Variants in NREP observed in about 807,000 individuals in gnomAD.
The protein encoded by NREP is neuronal regeneration-related protein.
In NREP, 5 loss-of-function variants were observed where a neutral mutation model predicts 8.6. The observed-to-expected ratio is 0.58, with a 90% confidence interval of 0.30 to 1.22. The LOEUF is 1.22. Among genes scored for constraint, NREP ranks in the 50% most tolerant of loss-of-function variants. The probability of loss-of-function intolerance (pLI) is 0.07; values close to 1 mark genes in which losing one functional copy is unlikely to be tolerated. For missense variants in NREP, 86 were observed against 82.5 expected (o/e 1.04, Z -0.17); for synonymous variants, 27 against 28.0 (o/e 0.96, Z 0.11).
chr5:111,942,471 C>G (rs1392480828), intron 2 of NREP, among the ~76,000 whole-genome samples: 1 of 152,014 alleles, frequency 6.6e-6, no homozygotes, highest in Non-Finnish European at 1.5e-5. Flanking sequence ...CTAACTACAT[C>G]TGCAACATTG....
intron 2 of NREP, among the ~76,000 whole-genome samples, chr5:111,773,496 T>C (rs187558198): frequency 3.7e-4 from 56 of 152,320 alleles, no homozygotes; most frequent in African/African-American, 1.3e-3. Flanking sequence ...GATTATTTAT[T>C]CTACTGAGGA....
intron 2 of NREP, chr5:111,949,072 C>T (rs1396218018): frequency 1.3e-5 from 2 of 152,108 alleles, no homozygotes; most frequent in African/African-American, 4.8e-5. Context: ...AAATGAAATT[C>T]TGGAAACCCT....
At chr5:111,778,818 A>G (rs534042320) in intron 2 of NREP, among the ~76,000 whole-genome samples, 1 of 152,308 alleles carries the variant, frequency 6.6e-6, no homozygotes, top group South Asian at 2.1e-4. Context: ...AGAGGTTACT[A>G]CATGTAAAAT....
At chr5:111,973,678 T>G (rs1756884789) in intron 2 of NREP, among the ~76,000 whole-genome samples, 1 of 152,238 alleles carries the variant, frequency 6.6e-6, no homozygotes, top group Non-Finnish European at 1.5e-5. Flanking sequence ...CTCAAGCTTA[T>G]GACTACCTTG....
chr5:111,898,401 A>G (rs2112544158), intron 2 of NREP, among the ~76,000 whole-genome samples: 1 of 152,290 alleles, frequency 6.6e-6, no homozygotes, highest in South Asian at 2.1e-4. Flanking sequence ...AGAAGGACTG[A>G]ATCTCAAAGT....
chr5:111,736,547 C>T (rs1749135385), intron 2 of NREP, among the ~76,000 whole-genome samples: 1 of 152,066 alleles, frequency 6.6e-6, no homozygotes, highest in Admixed American at 6.6e-5. Flanking sequence ...TTTTGGAAGC[C>T]GTAATTGAGG....
intron 2 of NREP, among the ~76,000 whole-genome samples, chr5:111,878,242 C>T (rs1753958628): frequency 6.6e-6 from 1 of 152,178 alleles, no homozygotes; most frequent in East Asian, 1.9e-4. Context: ...TCTCTCATTG[C>T]TATAACTGCC....
chr5:111,737,724 A>C (rs564209431), intron 2 of NREP, among the ~76,000 whole-genome samples: 30 of 150,824 alleles, frequency 2.0e-4, no homozygotes, highest in East Asian at 5.8e-4. Context: ...CTAAAAAAAA[A>C]AAAAACAAAA....
At chr5:111,794,282 T>C (rs947471473) in intron 2 of NREP, among the ~76,000 whole-genome samples, 4 of 152,210 alleles carry the variant, frequency 2.6e-5, no homozygotes, top group Admixed American at 6.5e-5. Flanking sequence ...AAACTAAACA[T>C]ACTTTTGCTA....
intron 2 of NREP, among the ~76,000 whole-genome samples, chr5:111,962,712 C>A (rs1405034583): frequency 6.6e-6 from 1 of 152,154 alleles, no homozygotes; most frequent in Non-Finnish European, 1.5e-5. Flanking sequence ...CCCCATCCCC[C>A]ATTCTGTGCC....
At chr5:111,848,373 A>T (rs576326382) in intron 2 of NREP, among the ~76,000 whole-genome samples, 8 of 152,164 alleles carry the variant, frequency 5.3e-5, no homozygotes, top group African/African-American at 1.9e-4. Flanking sequence ...GCAGATTTCA[A>T]TGCTAGCCAT....
In NREP at chr5:111,862,468, G is replaced by C. The variant is rs1020725556; in HGVS notation, c.135+112806C>G. ...AGCTTTAGTCCTACTGAGACCTACA[G>C]GACACAGAGCTCTTTCCCTCAAGGC... On this transcript the variant is annotated intron_variant, in intron 2 of 3. Transcript: ENST00000395634. Among the ~76,000 whole-genome samples the C allele has an allele frequency of 5.9e-5, 9 of 152,080 alleles. No homozygotes were observed. The East Asian group carries it at 7.7e-4, about 13-fold the overall frequency.
intron 2 of NREP, among the ~76,000 whole-genome samples, chr5:111,954,030 G>A (rs1756240523): frequency 6.6e-6 from 1 of 152,040 alleles, no homozygotes; most frequent in Admixed American, 6.6e-5. Context: ...TATGTTCTAG[G>A]GCTCTGCAAA....
chr5:111,768,846 A>G (rs1207268383), intron 2 of NREP, among the ~76,000 whole-genome samples: 1 of 152,226 alleles, frequency 6.6e-6, no homozygotes, highest in African/African-American at 2.4e-5. Context: ...CCTGTCTGGT[A>G]GAACCATTTG....
intron 2 of NREP, among the ~76,000 whole-genome samples, chr5:111,824,800 A>T (rs527916094): frequency 6.6e-6 from 1 of 152,332 alleles, no homozygotes; most frequent in African/African-American, 2.4e-5. Context: ...TGAATTTAGC[A>T]CACAGTTGTT....
At chr5:111,878,773 C>A (rs1204886265) in intron 2 of NREP, among the ~76,000 whole-genome samples, 1 of 152,184 alleles carries the variant, frequency 6.6e-6, no homozygotes, top group Non-Finnish European at 1.5e-5. Context: ...TTCTCTCATC[C>A]ATGGGCTTTG....
At chr5:111,757,399 T>A, upstream of NREP, 1 of 960,710 alleles carries the variant, frequency 1.0e-6, no homozygotes, top group Middle Eastern at 5.3e-4. Flanking sequence ...TCTCCAAGAG[T>A]GTGTGTGTCT....
At chr5:111,963,868 C>T (rs2112657855) in intron 2 of NREP, among the ~76,000 whole-genome samples, 1 of 152,274 alleles carries the variant, frequency 6.6e-6, no homozygotes, top group South Asian at 2.1e-4. Context: ...ATATCCACTT[C>T]TTTTTCTACC....
chr5:111,877,935 G>C (rs1163030625), intron 2 of NREP, among the ~76,000 whole-genome samples: 1 of 152,172 alleles, frequency 6.6e-6, no homozygotes, highest in Admixed American at 6.5e-5. Context: ...GTGAAAGAGA[G>C]GGACAACTGA....
Sources: allele counts gnomAD v4.1 joint callset (sites outside exome capture counted in the v4.1 genomes callset), GRCh38; gene constraint gnomAD v4.1.1; transcripts MANE v1.5; gene names NCBI Gene and HGNC (gene_info 2026-07-23, HGNC 2026-07-21).